The following TTC6 variants were observed in gnomAD, a reference collection of about 807,000 sequenced individuals.
TTC6 encodes tetratricopeptide repeat domain 6.
In TTC6, 172 loss-of-function variants were observed where a neutral mutation model predicts 210.4. The ratio of observed to expected loss-of-function variants is 0.82; its 90% CI spans 0.72 to 0.93. The LOEUF is 0.93. Among genes scored for constraint, TTC6 ranks in the 40% least tolerant of loss-of-function variants. The pLI is 0.00. For synonymous variants in TTC6, 804 were observed against 819.6 expected (o/e 0.98, Z 0.32); for missense variants, 2,414 against 2,318.1 (o/e 1.04, Z -0.85).
intron 22 of TTC6, 78 bp from the exon 25 acceptor site, chr14:37,807,242 C>T: frequency 7.7e-7 from 1 of 1,305,554 alleles, no homozygotes; most frequent in Admixed American, 2.3e-5. Flanking sequence ...AGATTTGTTC[C>T]AAGTAGCATA....
At chr14:37,739,249 C>G (rs2138947133) in intron 10 of TTC6, 94 bp downstream of exon 12, 1 of 1,223,088 alleles carries the variant, frequency 8.2e-7, no homozygotes, top group Non-Finnish European at 1.1e-6. Context: ...TTATTTTATT[C>G]TGCACTGAAC....
chr14:37,616,773 C>T (rs950847806), intron 2 of TTC6, among the ~76,000 whole-genome samples: 16 of 150,872 alleles, frequency 1.1e-4, no homozygotes, highest in African/African-American at 3.7e-4. Context: ...ATCTATGGCT[C>T]TCCAACAAAT....
At chr14:37,718,634 T>G (rs1410024325) in intron 6 of TTC6, among the ~76,000 whole-genome samples, 1 of 152,014 alleles carries the variant, frequency 6.6e-6, no homozygotes, top group East Asian at 1.9e-4. Context: ...ACATAGAAAA[T>G]TCTGAGGAAT....
chr14:37,816,197 C>T (rs2096141335), intron 25 of TTC6, among the ~76,000 whole-genome samples: 1 of 152,142 alleles, frequency 6.6e-6, no homozygotes, highest in Admixed American at 6.5e-5. Flanking sequence ...GGGGTGTCCA[C>T]ATCTACAGAT....
At chr14:37,799,632 A>G (rs2096101325) in intron 20 of TTC6, among the ~76,000 whole-genome samples, 2 of 152,158 alleles carry the variant, frequency 1.3e-5, no homozygotes, top group Admixed American at 1.3e-4. Flanking sequence ...GGCCTTAAAA[A>G]AGCAAAGAAT....
At chr14:37,789,499 G>A (rs926908011) in intron 15 of TTC6, among the ~76,000 whole-genome samples, 2 of 150,890 alleles carry the variant, frequency 1.3e-5, no homozygotes, top group Admixed American at 6.6e-5. Flanking sequence ...TATATACTAT[G>A]GTTAAACCTG....
At chr14:37,820,065 C>A (rs1453504468) in intron 26 of TTC6, among the ~76,000 whole-genome samples, 2 of 152,210 alleles carry the variant, frequency 1.3e-5, no homozygotes. Flanking sequence ...AGATATTCTG[C>A]CACATTTTCC....
chr14:37,686,395 G>C (rs1380520626), intron 3 of TTC6, among the ~76,000 whole-genome samples: 2 of 152,204 alleles, frequency 1.3e-5, no homozygotes, highest in African/African-American at 4.8e-5. Context: ...TTGTAGAGGA[G>C]ATTGTCGTCA....
intron 1 of TTC6, among the ~76,000 whole-genome samples, chr14:37,674,833 T>C (rs2095765455): frequency 6.6e-6 from 1 of 152,192 alleles, no homozygotes; most frequent in African/African-American, 2.4e-5. Flanking sequence ...ACTAACAAAA[T>C]TATTGTTGTC....
chr14:37,622,367 G>A, exon 1 of TTC6: 2 of 1,530,450 alleles, frequency 1.3e-6, no homozygotes, highest in East Asian at 2.5e-5. Context: ...CGCGTCCCTC[G>A]GGCCTGGGTG....
chr14:37,646,461 G>C (rs1356560185), intron 1 of TTC6, among the ~76,000 whole-genome samples: 2 of 152,088 alleles, frequency 1.3e-5, no homozygotes, highest in South Asian at 4.1e-4. Context: ...GAGACTATAG[G>C]ATGGATAGGA....
exon 25 of TTC6, chr14:37,812,407 C>G: frequency 1.9e-6 from 3 of 1,611,270 alleles, no homozygotes; most frequent in Non-Finnish European, 2.5e-6. Context: ...CTACGTAGAA[C>G]TAGGCCAGTA....
chr14:37,693,506 A>C (rs1595114175), intron 3 of TTC6, among the ~76,000 whole-genome samples: 1 of 152,282 alleles, frequency 6.6e-6, no homozygotes, highest in African/African-American at 2.4e-5. Context: ...TCACAGAAAT[A>C]GAAAAAACAA....
exon 1 of TTC6, chr14:37,622,824 T>C: frequency 6.5e-7 from 1 of 1,533,978 alleles, no homozygotes; most frequent in Non-Finnish European, 8.7e-7. Flanking sequence ...ACAGGAGAGC[T>C]GGCCGCCCAG....
intron 2 of TTC6, among the ~76,000 whole-genome samples, chr14:37,681,740 T>C (rs1274889808): frequency 6.6e-6 from 1 of 152,108 alleles, no homozygotes; most frequent in Non-Finnish European, 1.5e-5. Flanking sequence ...GATTGAAGGC[T>C]GCATTGTCAG....
intron 2 of TTC6, among the ~76,000 whole-genome samples, chr14:37,612,275 T>C (rs958067069): frequency 1.3e-5 from 2 of 152,202 alleles, no homozygotes; most frequent in African/African-American, 2.4e-5. Flanking sequence ...TGTGTGACAC[T>C]ATAGAAGAGG....
At chr14:37,700,774 A>AG (rs2095823764) in intron 4 of TTC6, among the ~76,000 whole-genome samples, 1 of 144,744 alleles carries the variant, frequency 6.9e-6, no homozygotes, top group African/African-American at 2.5e-5. Context: ...AAAAAAAAAA[A>AG]GCAGATTTTC....
chr14:37,833,217 C>T (rs1353599141), intron 29 of TTC6, among the ~76,000 whole-genome samples: 1 of 152,004 alleles, frequency 6.6e-6, no homozygotes, highest in Non-Finnish European at 1.5e-5. Context: ...GTTGAAGTCC[C>T]CAAATATTGT....
At chr14:37,687,425 G>C (rs1285914251) in intron 3 of TTC6, among the ~76,000 whole-genome samples, 1 of 152,098 alleles carries the variant, frequency 6.6e-6, no homozygotes, top group Non-Finnish European at 1.5e-5. Context: ...GCAACATGTA[G>C]GTAAGTCCTA....
Sources: allele counts gnomAD v4.1 joint callset (sites outside exome capture counted in the v4.1 genomes callset), GRCh38; gene constraint gnomAD v4.1.1; transcripts MANE v1.5; gene names NCBI Gene and HGNC (gene_info 2026-07-23, HGNC 2026-07-21).